IGF2BP3: variants seen among roughly 807,000 people sequenced by gnomAD.
IGF2BP3 encodes the protein insulin like growth factor 2 mRNA binding protein 3.
In IGF2BP3, 9 loss-of-function variants were observed where a neutral mutation model predicts 73.8. The ratio of observed to expected loss-of-function variants is 0.12; its 90% confidence interval spans 0.07 to 0.21. The LOEUF (loss-of-function observed/expected upper bound fraction) is 0.21, where lower values mean the gene tolerates loss of function less well. Among genes scored for constraint, IGF2BP3 ranks in the 10% least tolerant of loss-of-function variants. IGF2BP3 has a pLI of 1.00. For missense variants in IGF2BP3, 542 were observed against 714.0 expected, an observed-to-expected ratio of 0.76 and a Z score of 2.75; for synonymous variants, 258 against 256.7, an observed-to-expected ratio of 1.01 and a Z score of -0.05.
At chr7:23,342,726 G>GA (rs1314806354) in intron 9 of IGF2BP3, among the ~76,000 whole-genome samples, 6 of 152,192 alleles carry the variant, frequency 3.9e-5, no homozygotes, top group Admixed American at 6.5e-5. Context: ...ATAGGAGCCA[G>GA]AAAGGGTATT....
At chr7:23,331,041 C>T (rs58140368) in intron 10 of IGF2BP3, among the ~76,000 whole-genome samples, 2,872 of 152,288 alleles carry the variant, frequency 0.019, 86 homozygotes, top group African/African-American at 0.066. Context: ...TCAAGTGATC[C>T]GCCCACCTCA....
intron 3 of IGF2BP3, among the ~76,000 whole-genome samples, chr7:23,364,326 A>T (rs1473620322): frequency 6.6e-6 from 1 of 151,796 alleles, no homozygotes; most frequent in Non-Finnish European, 1.5e-5. Flanking sequence ...GTGGGCTGAG[A>T]TCGTGCCACT....
intron 10 of IGF2BP3, among the ~76,000 whole-genome samples, chr7:23,332,359 T>C (rs998874775): frequency 2.0e-5 from 3 of 152,240 alleles, no homozygotes; most frequent in East Asian, 1.9e-4. Flanking sequence ...ATTTGTACCA[T>C]ATTGTTTACA....
chr7:23,393,877 G>A (rs574969022), intron 3 of IGF2BP3, among the ~76,000 whole-genome samples: 1 of 152,284 alleles, frequency 6.6e-6, no homozygotes, highest in South Asian at 2.1e-4. Context: ...GAAGGAAGGA[G>A]GCTGAACAAG....
In IGF2BP3 at chr7:23,456,921, C is replaced by T. The variant is rs574055251; in HGVS notation, c.236+11561G>A. Among the ~76,000 whole-genome samples the T allele has an allele frequency of 5.9e-5, 9 of 152,176 alleles. 1 individual carries two copies. The South Asian group carries it at 1.9e-3, about 32-fold the overall frequency. On this transcript the variant is annotated intron_variant, in intron 2 of 14. Transcript: ENST00000258729. ...AAAATTAGCTGGGCGTAGTGGCACG[C>T]GCCCATAGTCGCAGCTACTCGGGAG...
intron 2 of IGF2BP3, among the ~76,000 whole-genome samples, chr7:23,464,454 G>T (rs1012770695): frequency 2.0e-5 from 3 of 152,006 alleles, no homozygotes; most frequent in Admixed American, 1.3e-4. Flanking sequence ...AACTATCACT[G>T]TTTTCTTTTT....
At chr7:23,467,442 G>A (rs1054864519) in intron 2 of IGF2BP3, among the ~76,000 whole-genome samples, 2 of 152,192 alleles carry the variant, frequency 1.3e-5, no homozygotes, top group African/African-American at 4.8e-5. Flanking sequence ...GGAGTTGGGG[G>A]GATGGGAGAG....
chr7:23,414,306 G>C (rs1191533548), intron 3 of IGF2BP3: 2 of 152,210 alleles, frequency 1.3e-5, no homozygotes, highest in African/African-American at 4.8e-5. Flanking sequence ...ATGCGGTCCA[G>C]AGAACTTGAG....
At chr7:23,373,366 C>A (rs914968722) in intron 3 of IGF2BP3, among the ~76,000 whole-genome samples, 3 of 152,198 alleles carry the variant, frequency 2.0e-5, no homozygotes. Flanking sequence ...TTGGTGGGGT[C>A]TCTCCAGGTG....
In IGF2BP3 at chr7:23,470,369, TAA is replaced by T. The variant is rs1157402065; in HGVS notation, c.-261_-260del. 2 of 275,470 alleles carry T rather than the reference TAA, an allele frequency of 7.3e-6. No individual in the cohort carries two copies. The highest frequency in any genetic ancestry group is 4.4e-5 in the African/African-American group (2 of 45,178). 17.1% of individuals were successfully genotyped at this position (275,470 alleles called of 1,614,324 possible). On this transcript the variant is annotated 5_prime_UTR_variant, in exon 1 of 15. Coordinates refer to ENST00000258729, the MANE Select transcript of IGF2BP3 (RefSeq NM_006547.3). ...ACCCAAACGCATCCACCAGTCTTCC[TAA>T]GTCTTAGGAGGAGGCGGGATTAGCA...
intron 3 of IGF2BP3, among the ~76,000 whole-genome samples, chr7:23,396,974 T>C (rs1208083152): frequency 1.3e-5 from 2 of 152,202 alleles, no homozygotes; most frequent in Non-Finnish European, 2.9e-5. Context: ...GGACTCTGTA[T>C]GGTTGTCACT....
At chr7:23,406,507 C>A (rs1278432533) in intron 3 of IGF2BP3, among the ~76,000 whole-genome samples, 1 of 152,010 alleles carries the variant, frequency 6.6e-6, no homozygotes, top group East Asian at 1.9e-4. Flanking sequence ...TTCTTCCTTC[C>A]AGTGGGTTCG....
chr7:23,333,738 C>T lies in IGF2BP3; in HGVS notation c.1203+8326G>A, dbSNP rs573870152. 2.0e-5 allele frequency among the ~76,000 whole-genome samples: 3 copies of T among 152,314 alleles called. 1 individual carries two copies. In the South Asian group the frequency reaches 6.2e-4, roughly 32 times the overall value. Reference sequence around the variant, plus strand: ...TAGAAGCAGCAGAGTTAGAAGCAAACTAAGTGTTTTTCCACACCAGGAGAT... The same window carrying T: ...TAGAAGCAGCAGAGTTAGAAGCAAATTAAGTGTTTTTCCACACCAGGAGAT... On this transcript the variant is annotated intron_variant, in intron 10 of 14. Coordinates refer to ENST00000258729, the MANE Select transcript of IGF2BP3 (RefSeq NM_006547.3).
At chr7:23,421,206 C>A (rs564889697) in intron 2 of IGF2BP3, among the ~76,000 whole-genome samples, 8 of 152,060 alleles carry the variant, frequency 5.3e-5, no homozygotes, top group African/African-American at 1.9e-4. Flanking sequence ...GACGGGGTTT[C>A]ACCATGTCGA....
intron 10 of IGF2BP3, among the ~76,000 whole-genome samples, chr7:23,328,906 T>C (rs1039938091): frequency 6.6e-6 from 1 of 151,818 alleles, no homozygotes; most frequent in Non-Finnish European, 1.5e-5. Context: ...GTAAAAAAAA[T>C]GTAGTAAAAA....
chr7:23,460,188 A>C lies in IGF2BP3; in HGVS notation c.236+8294T>G, dbSNP rs1181936913. On this transcript the variant is annotated intron_variant, in intron 2 of 14. Coordinates refer to ENST00000258729, the MANE Select transcript of IGF2BP3 (RefSeq NM_006547.3). Reference sequence around the variant, plus strand: ...TGCGAGACCCTGCCTCAAAAAAAAAAAAAAAAAACAAAAACGAAAGTGAGC... The same window carrying C: ...TGCGAGACCCTGCCTCAAAAAAAAACAAAAAAAACAAAAACGAAAGTGAGC... Among the ~76,000 whole-genome samples, 16 of 149,828 alleles carry C rather than the reference A, an allele frequency of 1.1e-4. 1 individual carries two copies. The highest frequency in any genetic ancestry group is 1.3e-4 in the Admixed American group (2 of 15,020).
Position 23,469,274 on chromosome 7 carries a change from C to G in IGF2BP3, c.175+662G>C, listed in dbSNP as rs1788646726. 1 of 152,308 alleles carries G rather than the reference C, an allele frequency of 6.6e-6. No individual in the cohort carries two copies. The highest frequency in any genetic ancestry group is 1.5e-5 in the Non-Finnish European group (1 of 68,120). The allele number at this position is 152,308 out of a possible 1,614,324, so 9.4% of individuals were successfully genotyped here. On this transcript the variant is annotated intron_variant, in intron 1 of 14. Coordinates refer to ENST00000258729, the MANE Select transcript of IGF2BP3 (RefSeq NM_006547.3). The surrounding 1 kb of genome is among the most constrained non-coding windows in gnomAD (Gnocchi z 6.1). ...CCCCGCGCCAGGGCCCGGAGAGCGGCGGGCGGCCGGTGCGTGGCGGCGACT... is the reference window on the plus strand; with the variant it reads ...CCCCGCGCCAGGGCCCGGAGAGCGGGGGGCGGCCGGTGCGTGGCGGCGACT...
At chr7:23,430,171 C>T (rs962233237) in intron 2 of IGF2BP3, among the ~76,000 whole-genome samples, 1 of 151,718 alleles carries the variant, frequency 6.6e-6, no homozygotes, top group East Asian at 1.9e-4. Flanking sequence ...GCAACCTCCA[C>T]CTCCCGGGTT....
At chr7:23,417,399 A>C (rs1270735279) in intron 3 of IGF2BP3, among the ~76,000 whole-genome samples, 1 of 152,218 alleles carries the variant, frequency 6.6e-6, no homozygotes, top group Non-Finnish European at 1.5e-5. Flanking sequence ...TGAGGAGAGT[A>C]AAGTGAAATA....
Sources: gnomAD v4.1 joint callset for allele counts (sites outside exome capture counted in the v4.1 genomes callset) on GRCh38, gnomAD v4.1.1 for gene constraint, Gnocchi (gnomAD v3.1) non-coding constraint, MANE v1.5 for transcripts, NCBI Gene and HGNC (gene_info 2026-07-23, HGNC 2026-07-21) for gene names.